CACNA1D: variants seen among roughly 807,000 people sequenced by gnomAD.
The protein encoded by CACNA1D is voltage-dependent L-type calcium channel subunit alpha-1D.
In CACNA1D, 55 loss-of-function variants were observed where a neutral mutation model predicts 257.1. The ratio of observed to expected loss-of-function variants is 0.21; its 90% CI spans 0.17 to 0.27. The LOEUF (loss-of-function observed/expected upper bound fraction) is 0.27, where lower values mean the gene tolerates loss of function less well. Ranked by LOEUF, CACNA1D falls within the 10% of genes least tolerant of loss-of-function variation. The pLI, the probability that CACNA1D is intolerant of heterozygous loss-of-function variation, is 1.00. For synonymous variants in CACNA1D, 980 were observed against 1,014.9 expected, an observed-to-expected ratio of 0.97 and a Z score of 0.65; for missense variants, 1,876 against 2,784.0, an observed-to-expected ratio of 0.67 and a Z score of 7.34.
chr3:53,634,219 A>G (rs1024976849), intron 3 of CACNA1D, among the ~76,000 whole-genome samples: 1 of 152,214 alleles, frequency 6.6e-6, no homozygotes, highest in African/African-American at 2.4e-5. Flanking sequence ...AAATGTAATG[A>G]TTTCAGTTGG....
Position 53,745,832 on chromosome 3 carries a change from T to A in CACNA1D, c.3124T>A (p.Tyr1042Asn). The change falls in exon 25 of 48, where the codon TAT becomes AAT. Residue 1042 changes from tyrosine to asparagine, a missense_variant. Transcript: ENST00000350061. Reference sequence around the variant, plus strand: ...TCTATTTTATACCCAGGGGAAGTTCTATCGCTGTACGGATGAAGCCAAAAG... The same window carrying A: ...TCTATTTTATACCCAGGGGAAGTTCAATCGCTGTACGGATGAAGCCAAAAG... Reference protein sequence around the residue: ...IGVQLFKGKFYRCTDEAKSNP... With the variant: ...IGVQLFKGKFNRCTDEAKSNP... 1 of 1,613,794 alleles carries A rather than the reference T, an allele frequency of 6.2e-7. No homozygotes were observed. Among genetic ancestry groups the A allele is most frequent in the Non-Finnish European group, 8.5e-7 (1 of 1,179,644 alleles).
chr3:53,575,813 C>A (rs2093028095), intron 3 of CACNA1D, among the ~76,000 whole-genome samples: 1 of 152,172 alleles, frequency 6.6e-6, no homozygotes, highest in African/African-American at 2.4e-5. Context: ...TGTAGTTGAG[C>A]ATGTGCTGAG....
At chr3:53,769,247 G>A (rs1263623601) in intron 30 of CACNA1D, among the ~76,000 whole-genome samples, 1 of 152,234 alleles carries the variant, frequency 6.6e-6, no homozygotes, top group East Asian at 1.9e-4. Context: ...AGGGACAGGA[G>A]CACAGCCAGA....
Position 53,494,964 on chromosome 3 carries a change from G to A in CACNA1D, c.-203G>A. The A allele has an allele frequency of 3.4e-6, 2 of 591,806 alleles. No individual in the cohort carries two copies. Among genetic ancestry groups the A allele is most frequent in the Non-Finnish European group, 6.0e-6 (2 of 331,214 alleles). The allele number at this position is 591,806 out of a possible 1,614,324, so 36.7% of individuals were successfully genotyped here. On this transcript the variant is annotated 5_prime_UTR_variant, in exon 1 of 48. Coordinates refer to ENST00000350061, the MANE Select transcript of CACNA1D (RefSeq NM_001128840.3). Reference sequence around the variant, plus strand: ...TCCATTTTTGAAAAAGAGAGAGCTTGGGTGGCGAGCGGTTTTTTTTTTAAA... The same window carrying A: ...TCCATTTTTGAAAAAGAGAGAGCTTAGGTGGCGAGCGGTTTTTTTTTTAAA...
intron 45 of CACNA1D, among the ~76,000 whole-genome samples, chr3:53,806,899 C>T (rs1422510153): frequency 6.6e-6 from 1 of 152,220 alleles, no homozygotes. Context: ...CCACTGCCTT[C>T]CTCGGGCCTC....
chr3:53,616,651 G>A (rs942895041), intron 3 of CACNA1D, among the ~76,000 whole-genome samples: 1 of 152,174 alleles, frequency 6.6e-6, no homozygotes, highest in Non-Finnish European at 1.5e-5. Flanking sequence ...TTTTGTGTGT[G>A]TTTTGAGATG....
chr3:53,577,304 TG>T (rs2093054630), intron 3 of CACNA1D, among the ~76,000 whole-genome samples: 1 of 152,074 alleles, frequency 6.6e-6, no homozygotes, highest in Non-Finnish European at 1.5e-5. Context: ...TGACCTCAGG[TG>T]GTGCTCGATT....
At chr3:53,579,829 T>C (rs1260156774) in intron 3 of CACNA1D, among the ~76,000 whole-genome samples, 1 of 152,182 alleles carries the variant, frequency 6.6e-6, no homozygotes, top group Non-Finnish European at 1.5e-5. Context: ...CAAAGCACTT[T>C]TGCTGAAAGG....
intron 2 of CACNA1D, among the ~76,000 whole-genome samples, chr3:53,500,601 T>TG (rs1399388095): frequency 6.6e-6 from 1 of 152,234 alleles, no homozygotes; most frequent in Non-Finnish European, 1.5e-5. Context: ...TTGCCTCTTG[T>TG]GGGTGAGTGT....
At chr3:53,662,003 T>G (rs2094208223) in intron 5 of CACNA1D, among the ~76,000 whole-genome samples, 1 of 152,174 alleles carries the variant, frequency 6.6e-6, no homozygotes, top group South Asian at 2.1e-4. Flanking sequence ...CAAATAGGCT[T>G]TTGAAGAAAA....
At chr3:53,690,613 C>T (rs774389819) in intron 8 of CACNA1D, among the ~76,000 whole-genome samples, 6 of 152,226 alleles carry the variant, frequency 3.9e-5, no homozygotes, top group Non-Finnish European at 7.3e-5. Flanking sequence ...TCTTCTCTAT[C>T]CCTCTCCTCT....
chr3:53,578,030 A>G (rs1354178368), intron 3 of CACNA1D, among the ~76,000 whole-genome samples: 6 of 152,102 alleles, frequency 3.9e-5, no homozygotes, highest in Non-Finnish European at 7.4e-5. Context: ...AAAATTACGT[A>G]TGGAGCCTCT....
Position 53,801,116 on chromosome 3 carries a change from C to G in CACNA1D, c.5099C>G (p.Ser1700Cys). ...CATGTTAATAGTGATAGGAGAGATT[C>G]CCTTCAGCAGACCAATACCACCCAC... is the stretch of plus-strand genomic sequence containing the variant. ...VNHVNSDRRD[S>C]LQQTNTTHRP... Residue 1700 changes from serine to cysteine, a missense_variant, in exon 42 of 48, where the codon TCC becomes TGC. By Grantham distance (112) the Ser-to-Cys change is moderately radical. Transcript: ENST00000350061. The G allele has an allele frequency of 6.2e-7, 1 of 1,613,688 alleles. No homozygotes were observed. Among genetic ancestry groups the G allele is most frequent in the Non-Finnish European group, 8.5e-7 (1 of 1,179,634 alleles).
intron 3 of CACNA1D, among the ~76,000 whole-genome samples, chr3:53,533,094 C>G (rs954023753): frequency 2.0e-5 from 3 of 152,204 alleles, no homozygotes; most frequent in Admixed American, 6.5e-5. Context: ...TCTGAGATAT[C>G]TCTCTCCAAG....
Position 53,606,383 on chromosome 3 carries a change from C to G in CACNA1D, c.484-44396C>G, listed in dbSNP as rs79891140. 1.7e-3 allele frequency among the ~76,000 whole-genome samples: 266 copies of G among 152,334 alleles called. 1 individual carries two copies. The highest frequency in any genetic ancestry group is 6.1e-3 in the African/African-American group (254 of 41,576). On this transcript the variant is annotated intron_variant, in intron 3 of 47. Transcript: ENST00000350061. The stretch of plus-strand genomic sequence containing the variant: ...TTCTCTCATTCCAGAAATGTGACCT[C>G]TGGTTACAGCAAATGTGACAACATG...
At chr3:53,508,080 C>T (rs929259760) in intron 3 of CACNA1D, among the ~76,000 whole-genome samples, 7 of 152,152 alleles carry the variant, frequency 4.6e-5, no homozygotes, top group African/African-American at 1.4e-4. Context: ...CTCACGTTGC[C>T]TATGTGTACA....
chr3:53,790,211 TA>T (rs2095476689), intron 40 of CACNA1D, among the ~76,000 whole-genome samples: 1 of 152,110 alleles, frequency 6.6e-6, no homozygotes, highest in South Asian at 2.1e-4. Context: ...GAGGGGCAAA[TA>T]AATAAAGGAA....
In CACNA1D at chr3:53,726,927, G is replaced by T; in HGVS notation, c.2149G>T (p.Ala717Ser). The stretch of plus-strand genomic sequence containing the variant: ...TGCTGTGATGTACGATGGCATCATG[G>T]CTTACGGGGGCCCATCCTCTTCAGG... ...WNAVMYDGIM[A>S]YGGPSSSGMI... The change falls in exon 15 of 48, where the codon GCT (alanine) becomes TCT (serine). Residue 717 changes from alanine to serine, a missense_variant. By Grantham distance (99) the Ala-to-Ser change is moderately conservative. Coordinates refer to ENST00000350061, the MANE Select transcript of CACNA1D (RefSeq NM_001128840.3). 6.2e-7 allele frequency: 1 copy of T among 1,614,190 alleles called. No homozygotes were observed. Among genetic ancestry groups the T allele is most frequent in the South Asian group, 1.1e-5 (1 of 91,074 alleles).
chr3:53,776,752 T>A, intron 36 of CACNA1D, 22 bp downstream of exon 36: 1 of 1,614,220 alleles, frequency 6.2e-7, no homozygotes, highest in Non-Finnish European at 8.5e-7. Context: ...AATATTTGAT[T>A]TGGCGTGTGT....
Sources: gnomAD v4.1 joint callset for allele counts (sites outside exome capture counted in the v4.1 genomes callset) on GRCh38, gnomAD v4.1.1 for gene constraint, MANE v1.5 for transcripts, NCBI Gene and HGNC (gene_info 2026-07-23, HGNC 2026-07-21) for gene names.